Variants in STAG1 observed in about 807,000 individuals in gnomAD.
The protein encoded by STAG1 is STAG1 cohesin complex component.
In STAG1, 26 loss-of-function variants were observed where a neutral mutation model predicts 170.9. That is an observed-to-expected ratio of 0.15 (90% CI 0.11 to 0.21). The LOEUF (loss-of-function observed/expected upper bound fraction) is 0.21, where lower values mean the gene tolerates loss of function less well. Ranked by LOEUF, STAG1 falls within the 10% of genes least tolerant of loss-of-function variation. The pLI, the probability that STAG1 is intolerant of heterozygous loss-of-function variation, is 1.00. For synonymous variants in STAG1, 514 were observed against 497.7 expected (o/e 1.03, Z -0.44); for missense variants, 964 against 1,509.5 (o/e 0.64, Z 5.99).
chr3:136,427,658 TAA>T (rs75850249), intron 16 of STAG1, among the ~76,000 whole-genome samples: 51 of 132,312 alleles, frequency 3.9e-4, no homozygotes, highest in Middle Eastern at 3.9e-3. Context: ...AGGACCATTG[TAA>T]AAAAAAAAAA....
intron 9 of STAG1, among the ~76,000 whole-genome samples, chr3:136,497,567 G>A (rs1576532966): frequency 6.6e-6 from 1 of 152,100 alleles, no homozygotes; most frequent in Non-Finnish European, 1.5e-5. Flanking sequence ...CCGGCTGGGC[G>A]CGATGGCTCA....
At chr3:136,747,093 T>TTAAAAAA (rs1246647616) in intron 1 of STAG1, among the ~76,000 whole-genome samples, 2 of 59,340 alleles carry the variant, frequency 3.4e-5, no homozygotes, top group African/African-American at 8.3e-5. Context: ...TGAAACTGTC[T>TTAAAAAA]AAAAAAAAAA....
intron 1 of STAG1, among the ~76,000 whole-genome samples, chr3:136,721,749 C>T (rs367667878): frequency 2.6e-5 from 4 of 151,912 alleles, no homozygotes; most frequent in Non-Finnish European, 5.9e-5. Flanking sequence ...ACGGTGAAAC[C>T]CTGTCTCTAC....
intron 9 of STAG1, 92 bp from the exon 10 acceptor site, chr3:136,477,504 G>T: frequency 8.2e-7 from 1 of 1,213,296 alleles, no homozygotes; most frequent in Non-Finnish European, 1.1e-6. Context: ...TATTTCTAAT[G>T]CTGTTTGTAT....
chr3:136,558,318 G>C (rs1361918167), intron 5 of STAG1, among the ~76,000 whole-genome samples: 1 of 152,168 alleles, frequency 6.6e-6, no homozygotes, highest in East Asian at 1.9e-4. Context: ...CTTCAACCTG[G>C]GAGGTGGAGG....
chr3:136,579,924 A>G (rs988954877), intron 4 of STAG1, among the ~76,000 whole-genome samples: 3 of 147,790 alleles, frequency 2.0e-5, no homozygotes, highest in Non-Finnish European at 4.5e-5. Flanking sequence ...AGGACAGAAC[A>G]GGGGATTGCT....
chr3:136,600,889 TGTTTTGTTTTGTTTTGTTTG>T (rs1468263029), intron 4 of STAG1, among the ~76,000 whole-genome samples: 10 of 147,614 alleles, frequency 6.8e-5, no homozygotes, highest in Admixed American at 1.4e-4. Context: ...TGTTTTGTTT[TGTTTTGTTTTGTTTTGTTTG>T]AGAAGAAGTC....
In STAG1 at chr3:136,446,126, A is replaced by AT. The variant is rs371592178; in HGVS notation, c.1429-2723dup. On this transcript the variant is annotated intron_variant, in intron 14 of 33. Transcript: ENST00000383202. ...TATCCGTTATCAAAATCCTTAGCCT[A>AT]TTTTTCACTTCTCTTCATTTAATTT... is the stretch of plus-strand genomic sequence containing the variant. Among the ~76,000 whole-genome samples the AT allele has an allele frequency of 1.6e-3, 240 of 152,076 alleles. 2 individuals are homozygous for AT. Among genetic ancestry groups the AT allele is most frequent in the African/African-American group, 5.4e-3 (224 of 41,484 alleles).
chr3:136,715,002 TAATATATATATAA>T (rs1381610854), intron 1 of STAG1, among the ~76,000 whole-genome samples: 18 of 111,120 alleles, frequency 1.6e-4, no homozygotes, highest in African/African-American at 3.2e-4. Context: ...TTTATATATA[TAATATATATATAA>T]AATATATATA....
chr3:136,685,081 A>G lies in STAG1; in HGVS notation c.-83-54100T>C, dbSNP rs566161738. On this transcript the variant is annotated intron_variant, in intron 1 of 33. Transcript: ENST00000383202. Reference sequence around the variant, plus strand: ...TGTAATCCCAGCACTTTGGGAAGCCAAGGCAGGTGGATCACCTGAGGTGAG... The same window carrying G: ...TGTAATCCCAGCACTTTGGGAAGCCGAGGCAGGTGGATCACCTGAGGTGAG... Among the ~76,000 whole-genome samples, 84 of 152,082 alleles carry G rather than the reference A, an allele frequency of 5.5e-4. No individual in the cohort carries two copies. The Middle Eastern group carries it at 0.01, about 18-fold the overall frequency.
intron 2 of STAG1, among the ~76,000 whole-genome samples, chr3:136,625,032 A>G (rs1455250909): frequency 1.3e-5 from 2 of 152,328 alleles, no homozygotes; most frequent in South Asian, 4.1e-4. Context: ...GCTACCTTGC[A>G]AAATTCCTAA....
At chr3:136,669,350 TTTTC>T (rs1276851779) in intron 1 of STAG1, among the ~76,000 whole-genome samples, 10 of 152,052 alleles carry the variant, frequency 6.6e-5, no homozygotes, top group African/African-American at 2.4e-4. Context: ...CTTACTTGAA[TTTTC>T]TTTCTTCTTT....
In STAG1 at chr3:136,398,638, AT is replaced by A. The variant is rs1170435325; in HGVS notation, c.2277+110del. On this transcript the variant is annotated intron_variant, in intron 22 of 33. Transcript: ENST00000383202. ...TGGTAATAGTCATATATTTTATTAA[AT>A]ATTACAATAATTTATATTATACAAT... 55 of 425,194 alleles carry A rather than the reference AT, an allele frequency of 1.3e-4. No individual in the cohort carries two copies. In the East Asian group the frequency reaches 3.7e-3, roughly 29 times the overall value. 26.3% of individuals were successfully genotyped at this position (425,194 alleles called of 1,614,324 possible).
At chr3:136,389,613 G>A (rs1428042797) in intron 22 of STAG1, among the ~76,000 whole-genome samples, 1 of 152,038 alleles carries the variant, frequency 6.6e-6, no homozygotes, top group Non-Finnish European at 1.5e-5. Context: ...TCCACCTCCT[G>A]GGTTCCAGCA....
chr3:136,583,688 C>T (rs993161322), intron 4 of STAG1, among the ~76,000 whole-genome samples: 3 of 152,116 alleles, frequency 2.0e-5, no homozygotes, highest in African/African-American at 7.2e-5. Flanking sequence ...ACTTGGGAGG[C>T]TGAGGCACAA....
intron 15 of STAG1, among the ~76,000 whole-genome samples, chr3:136,441,800 G>T (rs975094721): frequency 6.6e-6 from 1 of 152,062 alleles, no homozygotes; most frequent in Admixed American, 6.6e-5. Context: ...GCTATATAAG[G>T]TACACAAGGA....
At chr3:136,647,746 G>A (rs778127467) in intron 1 of STAG1, among the ~76,000 whole-genome samples, 2 of 152,014 alleles carry the variant, frequency 1.3e-5, no homozygotes, top group African/African-American at 2.4e-5. Flanking sequence ...CTGTAATTTC[G>A]TATACATGTT....
At chr3:136,341,156 C>T (rs1428806249) in intron 31 of STAG1, among the ~76,000 whole-genome samples, 4 of 152,126 alleles carry the variant, frequency 2.6e-5, no homozygotes, top group Admixed American at 6.5e-5. Flanking sequence ...GTGATCCGCC[C>T]GCCTCGGCCT....
intron 23 of STAG1, among the ~76,000 whole-genome samples, chr3:136,376,985 G>A (rs1373571991): frequency 6.6e-6 from 1 of 150,964 alleles, no homozygotes; most frequent in Non-Finnish European, 1.5e-5. Context: ...AGTACAGACG[G>A]GGTTGACAGT....
Sources: gnomAD v4.1 joint callset for allele counts (sites outside exome capture counted in the v4.1 genomes callset) on GRCh38, gnomAD v4.1.1 for gene constraint, MANE v1.5 for transcripts, NCBI Gene and HGNC (gene_info 2026-07-23, HGNC 2026-07-21) for gene names.